The following MTHFD2L variants were observed in gnomAD, a reference collection of about 807,000 sequenced individuals.
The protein encoded by MTHFD2L is methylenetetrahydrofolate dehydrogenase (NADP+ dependent) 2 like.
MTHFD2L carries 29 observed loss-of-function variants against 34.9 expected under a neutral mutation model. That is an observed-to-expected ratio of 0.83 (90% CI 0.62 to 1.13). The LOEUF is 1.13. MTHFD2L is among the 50% of genes most tolerant of loss of function. MTHFD2L has a pLI of 0.00. For synonymous variants in MTHFD2L, 167 were observed against 155.7 expected (o/e 1.07, Z -0.54); for missense variants, 481 against 446.5 (o/e 1.08, Z -0.70).
chr4:74,217,116 C>T (rs1737335402), intron 5 of MTHFD2L, among the ~76,000 whole-genome samples: 2 of 151,834 alleles, frequency 1.3e-5, no homozygotes, highest in Admixed American at 6.6e-5. Flanking sequence ...TATCTGCTTT[C>T]CTGGAATATG....
upstream of MTHFD2L, chr4:74,157,997 C>T: frequency 7.7e-7 from 1 of 1,296,520 alleles, no homozygotes; most frequent in Non-Finnish European, 1.1e-6. Context: ...CTTTACCCCA[C>T]TCTGCGTGTC....
chr4:74,270,358 C>A (rs1745808113), intron 6 of MTHFD2L, among the ~76,000 whole-genome samples: 1 of 150,928 alleles, frequency 6.6e-6, no homozygotes, highest in African/African-American at 2.4e-5. Context: ...GTGCGATGTT[C>A]CCCTTCCTGT....
chr4:74,186,310 A>G (rs1313987812), intron 3 of MTHFD2L, among the ~76,000 whole-genome samples: 1 of 151,942 alleles, frequency 6.6e-6, no homozygotes, highest in Non-Finnish European at 1.5e-5. Flanking sequence ...TCCTCTTACA[A>G]TCAAGAAAGT....
intron 3 of MTHFD2L, among the ~76,000 whole-genome samples, chr4:74,178,060 TA>T (rs1461021104): frequency 8.4e-5 from 2 of 23,860 alleles, no homozygotes; most frequent in Non-Finnish European, 0.014. Context: ...CATGGAAACA[TA>T]GAGTTAATGG....
chr4:74,210,847 T>A (rs1032668633), intron 5 of MTHFD2L, among the ~76,000 whole-genome samples: 6 of 152,194 alleles, frequency 3.9e-5, no homozygotes, highest in African/African-American at 1.4e-4. Context: ...TTTGTTTGTG[T>A]CCTCTCTTAT....
chr4:74,122,333 A>G (rs1398251053), upstream of MTHFD2L, among the ~76,000 whole-genome samples: 2 of 152,224 alleles, frequency 1.3e-5, no homozygotes, highest in Non-Finnish European at 2.9e-5. Context: ...AGGGGAAACA[A>G]GCACATCTTC....
chr4:74,249,974 C>T (rs902757078), intron 6 of MTHFD2L, among the ~76,000 whole-genome samples: 4 of 151,356 alleles, frequency 2.6e-5, no homozygotes, highest in African/African-American at 4.9e-5. Flanking sequence ...TTGCTCTTCT[C>T]GAGGAGTATC....
intron 6 of MTHFD2L, among the ~76,000 whole-genome samples, chr4:74,251,377 A>G (rs148638529): frequency 6.6e-6 from 1 of 152,208 alleles, no homozygotes; most frequent in Non-Finnish European, 1.5e-5. Flanking sequence ...ACATGATGAG[A>G]ATGAAATGTT....
At chr4:74,134,524 C>G (rs1722770828) in intron 1 of MTHFD2L, among the ~76,000 whole-genome samples, 1 of 152,116 alleles carries the variant, frequency 6.6e-6, no homozygotes, top group Admixed American at 6.6e-5. Flanking sequence ...CCAAACTAGA[C>G]AGATAAAGCT....
intron 1 of MTHFD2L, among the ~76,000 whole-genome samples, chr4:74,135,571 AT>A (rs1357805087): frequency 6.6e-6 from 1 of 152,170 alleles, no homozygotes; most frequent in East Asian, 1.9e-4. Context: ...TCTACCAAAC[AT>A]TTAAAGAACT....
intron 5 of MTHFD2L, among the ~76,000 whole-genome samples, chr4:74,211,182 C>T (rs1736253651): frequency 6.6e-6 from 1 of 151,970 alleles, no homozygotes; most frequent in Non-Finnish European, 1.5e-5. Flanking sequence ...ATTTTTTTCT[C>T]TTGCCTGATT....
chr4:74,268,665 A>G (rs16850815), intron 6 of MTHFD2L, among the ~76,000 whole-genome samples: 1 of 152,192 alleles, frequency 6.6e-6, no homozygotes, highest in Non-Finnish European at 1.5e-5. Flanking sequence ...TTTCATGAAG[A>G]GTTACAGATG....
At chr4:74,184,013 C>A (rs1432189608) in intron 3 of MTHFD2L, 1 of 151,984 alleles carries the variant, frequency 6.6e-6, no homozygotes, top group Non-Finnish European at 1.5e-5. Context: ...TTAAAGTTAG[C>A]CTGTGATAAG....
intron 3 of MTHFD2L, among the ~76,000 whole-genome samples, chr4:74,179,528 A>G (rs1379984699): frequency 1.3e-5 from 2 of 152,098 alleles, no homozygotes; most frequent in African/African-American, 4.8e-5. Context: ...AGCAGAAGAT[A>G]TTATTCAAAT....
intron 2 of MTHFD2L, 73 bp downstream of exon 2, chr4:74,174,763 A>G: frequency 9.3e-7 from 1 of 1,073,466 alleles, no homozygotes; most frequent in Non-Finnish European, 1.3e-6. Context: ...GATAATTATG[A>G]ATGATAATTA....
upstream of MTHFD2L, chr4:74,157,575 A>T (rs767629328): frequency 2.3e-6 from 1 of 429,556 alleles, no homozygotes; most frequent in South Asian, 1.7e-5. Flanking sequence ...GATAAAGTAG[A>T]AGTATAGAAA....
chr4:74,268,679 A>G (rs893206485), intron 6 of MTHFD2L, among the ~76,000 whole-genome samples: 15 of 152,208 alleles, frequency 9.9e-5, no homozygotes, highest in Non-Finnish European at 2.2e-4. Context: ...ACAGATGACT[A>G]TGATAGGAGT....
chr4:74,282,404 G>GTTCTTCTTACGGAGTTCTC (rs139432497), intron 7 of MTHFD2L, among the ~76,000 whole-genome samples: 1 of 152,082 alleles, frequency 6.6e-6, no homozygotes, highest in African/African-American at 2.4e-5. Flanking sequence ...AGTTATAGGT[G>GTTCTTCTTACGGAGTTCTC]TGTCCTTCTT....
At position 74,158,265 on chromosome 4, in the gene MTHFD2L, C is replaced by G; in HGVS notation, c.127C>G (p.Arg43Gly). Residue 43 changes from arginine (R) to glycine (G), a missense_variant, in exon 1 of 8, where the codon CGG (arginine) becomes GGG (glycine). Physicochemically the swap from Arg to Gly is moderately radical, Grantham distance 125 (BLOSUM62 -2). Transcript: ENST00000325278. ...GEPGSAFRGF[R>G]SSGVRHEAII... ...GCCCGGGAGTGCGTTCCGGGGCTTT[C>G]GGAGCAGCGGTGTGAGGTACGAGGG... 7.0e-7 allele frequency: 1 copy of G among 1,438,522 alleles called. No homozygotes were observed. The highest frequency in any genetic ancestry group is 1.5e-5 in the African/African-American group (1 of 67,378). The allele number at this position is 1,438,522 out of a possible 1,614,324, so 89.1% of individuals were successfully genotyped here. A position where few individuals can be genotyped will look rare whatever the true frequency, so the allele number is the denominator to read the frequency against.
Sources: gnomAD v4.1 joint callset for allele counts (sites outside exome capture counted in the v4.1 genomes callset) on GRCh38, gnomAD v4.1.1 for gene constraint, MANE v1.5 for transcripts, NCBI Gene and HGNC (gene_info 2026-07-23, HGNC 2026-07-21) for gene names.